Variants in PPM1L observed in about 807,000 individuals in gnomAD.
The protein encoded by PPM1L is protein phosphatase 1L.
A neutral mutation model predicts 31.4 loss-of-function variants in PPM1L; 13 were observed. That is an observed-to-expected ratio of 0.41 (90% CI 0.27 to 0.66). The LOEUF is 0.66. PPM1L is among the 30% of genes least tolerant of loss of function. The pLI is 0.29. For synonymous variants in PPM1L, 184 were observed against 175.4 expected (o/e 1.05, Z -0.39); for missense variants, 326 against 453.7 (o/e 0.72, Z 2.56).
intron 1 of PPM1L, among the ~76,000 whole-genome samples, chr3:160,767,024 T>G (rs989331944): frequency 2.6e-5 from 4 of 152,172 alleles, no homozygotes; most frequent in African/African-American, 9.7e-5. Context: ...TATTTTCTAA[T>G]GTGTGCAGAG....
intron 1 of PPM1L, among the ~76,000 whole-genome samples, chr3:160,933,775 G>T (rs1457044959): frequency 6.6e-6 from 1 of 151,622 alleles, no homozygotes; most frequent in Non-Finnish European, 1.5e-5. Context: ...TATTTGAAAT[G>T]TTTCTGAGCC....
Position 160,918,373 on chromosome 3 carries a change from T to TTTG in PPM1L, c.400-43361_400-43359dup, listed in dbSNP as rs143717552. Reference sequence around the variant, plus strand: ...CAGAATAACTTCTGAGGAACCAAGATTTGTCTGCACAGTACTTTGGAAAAG... The same window carrying TTTG: ...CAGAATAACTTCTGAGGAACCAAGATTTGTTGTCTGCACAGTACTTTGGAAAAG... On this transcript the variant is annotated intron_variant, in intron 1 of 3. Transcript: ENST00000498165. Among the ~76,000 whole-genome samples, 595 of 152,356 alleles carry TTTG rather than the reference T, an allele frequency of 3.9e-3. 4 individuals carry two copies. The highest frequency in any genetic ancestry group is 0.014 in the African/African-American group (571 of 41,592).
intron 2 of PPM1L, among the ~76,000 whole-genome samples, chr3:160,989,370 A>G (rs1157302084): frequency 2.0e-5 from 3 of 151,934 alleles, no homozygotes; most frequent in Non-Finnish European, 2.9e-5. Context: ...TAAAAAAATA[A>G]CGATTATTTT....
rs1160613535 is a variant in PPM1L at position 161,072,593 on chromosome 3, T to A, written c.*3436T>A. 6.6e-6 allele frequency: 1 copy of A among 152,222 alleles called. No homozygotes were observed. Among genetic ancestry groups the A allele is most frequent in the Non-Finnish European group, 1.5e-5 (1 of 68,038 alleles). The allele number at this position is 152,222 out of a possible 1,614,324, so 9.4% of individuals were successfully genotyped here. A position where few individuals can be genotyped will look rare whatever the true frequency, so the allele number is the denominator to read the frequency against. ...ATTCCACTGTTGGATTCTAGGAAAT[T>A]GAGTCCACTGTTTTCCTTTGCGTTT... is the stretch of plus-strand genomic sequence containing the variant. On this transcript the variant is annotated 3_prime_UTR_variant, in exon 4 of 4. Coordinates refer to ENST00000498165, the MANE Select transcript of PPM1L (RefSeq NM_139245.4).
chr3:160,855,744 C>CACTT (rs1711678866), intron 1 of PPM1L, among the ~76,000 whole-genome samples: 1 of 152,098 alleles, frequency 6.6e-6, no homozygotes. Flanking sequence ...GAAAAAGGAA[C>CACTT]ACTTATACAC....
Position 160,961,767 on chromosome 3 carries a change from C to G in PPM1L, c.431C>G (p.Pro144Arg). ...TAAEYVKSRL[P>R]EALKQHLQDY... is the part of the protein sequence containing the mutation. ...GCTGAATATGTAAAATCTCGACTCC[C>G]AGAGGCCCTTAAACAGCATCTTCAG... is the stretch of plus-strand genomic sequence containing the variant. Residue 144 changes from proline to arginine, a missense_variant, in exon 2 of 4, where the codon CCA (proline) becomes CGA (arginine). Physicochemically the swap from Pro to Arg is moderately radical, Grantham distance 103 (BLOSUM62 -2). Around this residue, in one of 3 missense-constraint regions of PPM1L, gnomAD observed 201 missense variants for 298.2 expected, o/e 0.67. Coordinates refer to ENST00000498165, the MANE Select transcript of PPM1L (RefSeq NM_139245.4). 6.3e-7 allele frequency: 1 copy of G among 1,593,892 alleles called. No homozygotes were observed. The highest frequency in any genetic ancestry group is 8.5e-7 in the Non-Finnish European group (1 of 1,172,678).
intron 2 of PPM1L, among the ~76,000 whole-genome samples, chr3:160,981,686 C>T (rs557057657): frequency 1.3e-5 from 2 of 152,144 alleles, no homozygotes; most frequent in South Asian, 4.1e-4. Context: ...TCTTACTCTT[C>T]CAACTCCTCC....
chr3:160,895,947 C>T (rs922473946), intron 1 of PPM1L, among the ~76,000 whole-genome samples: 9 of 152,108 alleles, frequency 5.9e-5, no homozygotes, highest in African/African-American at 2.2e-4. Flanking sequence ...TGCTTGATTT[C>T]TCTTTTGTCT....
At chr3:160,891,895 A>G (rs1259794620) in intron 1 of PPM1L, among the ~76,000 whole-genome samples, 1 of 152,160 alleles carries the variant, frequency 6.6e-6, no homozygotes, top group African/African-American at 2.4e-5. Flanking sequence ...CTAATACAGG[A>G]ACAGAAAACC....
intron 1 of PPM1L, among the ~76,000 whole-genome samples, chr3:160,863,224 G>T (rs1711968568): frequency 2.0e-5 from 3 of 152,112 alleles, no homozygotes; most frequent in Non-Finnish European, 4.4e-5. Flanking sequence ...GAAGATGATA[G>T]AATTTTTAAA....
chr3:160,974,507 A>G (rs1423419322), intron 2 of PPM1L, among the ~76,000 whole-genome samples: 6 of 151,002 alleles, frequency 4.0e-5, no homozygotes, highest in African/African-American at 1.2e-4. Flanking sequence ...AAGTGTTCCT[A>G]TTTCTCCACA....
At chr3:161,056,417 C>A (rs1007459394) in intron 2 of PPM1L, among the ~76,000 whole-genome samples, 2 of 152,088 alleles carry the variant, frequency 1.3e-5, no homozygotes, top group Non-Finnish European at 2.9e-5. Context: ...ATCTTGTATA[C>A]TTTGCTTGAT....
At chr3:161,052,377 G>A (rs1426965201) in intron 2 of PPM1L, among the ~76,000 whole-genome samples, 1 of 152,208 alleles carries the variant, frequency 6.6e-6, no homozygotes, top group Non-Finnish European at 1.5e-5. Flanking sequence ...AGCAGGAAGA[G>A]AGGATTCATG....
At chr3:160,814,634 T>C (rs1037928786) in intron 1 of PPM1L, among the ~76,000 whole-genome samples, 3 of 150,230 alleles carry the variant, frequency 2.0e-5, no homozygotes, top group African/African-American at 7.3e-5. Context: ...TATGTATGTA[T>C]GTGTATATAT....
chr3:161,036,446 T>C (rs1718743914), intron 2 of PPM1L, among the ~76,000 whole-genome samples: 1 of 152,196 alleles, frequency 6.6e-6, no homozygotes, highest in African/African-American at 2.4e-5. Context: ...AAGATGGGGA[T>C]ATGAGAGTAT....
At chr3:160,889,695 G>A (rs1027190197) in intron 1 of PPM1L, among the ~76,000 whole-genome samples, 5 of 151,822 alleles carry the variant, frequency 3.3e-5, no homozygotes, top group South Asian at 4.2e-4. Context: ...AGAAACACAC[G>A]CAAAAAAACA....
intron 1 of PPM1L, among the ~76,000 whole-genome samples, chr3:160,825,197 A>G (rs965869864): frequency 1.3e-5 from 2 of 152,116 alleles, no homozygotes; most frequent in Admixed American, 6.6e-5. Context: ...GCCATTTGCA[A>G]TGGAGTAATT....
intron 1 of PPM1L, among the ~76,000 whole-genome samples, chr3:160,845,089 A>G (rs1714032783): frequency 6.6e-6 from 1 of 152,078 alleles, no homozygotes; most frequent in South Asian, 2.1e-4. Context: ...ATTCCTTTTC[A>G]TTGCAGAATA....
At chr3:160,820,717 A>T (rs543861992) in intron 1 of PPM1L, among the ~76,000 whole-genome samples, 1 of 152,196 alleles carries the variant, frequency 6.6e-6, no homozygotes, top group East Asian at 1.9e-4. Flanking sequence ...TGCATGTAGC[A>T]TTCACTCATT....
Sources: allele counts gnomAD v4.1 joint callset (sites outside exome capture counted in the v4.1 genomes callset), GRCh38; gene constraint gnomAD v4.1.1; regional missense constraint gnomAD v4.1.1; transcripts MANE v1.5; gene names NCBI Gene and HGNC (gene_info 2026-07-23, HGNC 2026-07-21).